Variants in MAP2K3 observed in about 807,000 individuals in gnomAD.
MAP2K3 encodes mitogen-activated protein kinase kinase 3.
In MAP2K3, 30 loss-of-function variants were observed where a neutral mutation model predicts 46.4. The observed-to-expected ratio is 0.65, with a 90% CI of 0.48 to 0.88. MAP2K3 has a LOEUF of 0.88. Among genes scored for constraint, MAP2K3 ranks in the 40% least tolerant of loss-of-function variants. MAP2K3 has a pLI of 0.00. For synonymous variants in MAP2K3, 189 were observed against 176.3 expected, an observed-to-expected ratio of 1.07 and a Z score of -0.57; for missense variants, 380 against 464.5, an observed-to-expected ratio of 0.82 and a Z score of 1.67.
intron 2 of MAP2K3, among the ~76,000 whole-genome samples, 176 bp from the exon 3 acceptor site, chr17:21,298,702 C>G (rs1007285660): frequency 1.3e-5 from 2 of 152,428 alleles, no homozygotes; most frequent in Non-Finnish European, 2.9e-5. Context: ...TCGATGAGGC[C>G]GTGCCCAGCT....
At chr17:21,301,697 C>T (rs1458921199) in intron 5 of MAP2K3, among the ~76,000 whole-genome samples, 3 of 152,428 alleles carry the variant, frequency 2.0e-5, no homozygotes, top group African/African-American at 2.4e-5. Flanking sequence ...TCCCAACCTT[C>T]CTGTCAGGAG....
At chr17:21,296,900 A>AGCTGCTGCTGCTGCTGCTGCT (rs3035372) in intron 1 of MAP2K3, among the ~76,000 whole-genome samples, 7 of 150,280 alleles carry the variant, frequency 4.7e-5, no homozygotes, top group Non-Finnish European at 7.4e-5. Flanking sequence ...ATGTGGCGGC[A>AGCTGCTGCTGCTGCTGCTGCT]GCTGCTGCTG....
chr17:21,296,521 G>T (rs1264086636), intron 1 of MAP2K3, among the ~76,000 whole-genome samples: 5 of 152,312 alleles, frequency 3.3e-5, no homozygotes, highest in African/African-American at 1.2e-4. Context: ...CTGTGGCAGG[G>T]GTGCTGTGAG....
chr17:21,309,666 C>T (rs112710735), intron 9 of MAP2K3, among the ~76,000 whole-genome samples: 4 of 152,178 alleles, frequency 2.6e-5, no homozygotes, highest in African/African-American at 7.2e-5. Context: ...CATGCTGGAG[C>T]GCGGTGGTGC....
chr17:21,310,638 G>A (rs1009675484), intron 9 of MAP2K3, among the ~76,000 whole-genome samples: 2 of 152,266 alleles, frequency 1.3e-5, no homozygotes, highest in African/African-American at 4.8e-5. Flanking sequence ...GCCGGGGATG[G>A]CCCTTGGCCA....
At chr17:21,303,295 C>T (rs1359013896) in intron 7 of MAP2K3, 61 bp downstream of exon 7, 29 of 1,609,268 alleles carry the variant, frequency 1.8e-5, no homozygotes, top group South Asian at 7.7e-5. Flanking sequence ...CAGGCCAAGG[C>T]GGGTGGACGT....
intron 1 of MAP2K3, chr17:21,296,144 A>ACAG (rs1976235135): frequency 2.3e-6 from 3 of 1,289,490 alleles, no homozygotes; most frequent in Non-Finnish European, 3.0e-6. Context: ...CCATCTGCGC[A>ACAG]GTGAACCCTG....
rs766423944 is a variant in MAP2K3 at position 21,302,279 on chromosome 17, T to TG, written c.516+22dup. 1 of 469,586 alleles carries TG rather than the reference T, an allele frequency of 2.1e-6. No individual in the cohort carries two copies. Among genetic ancestry groups the TG allele is most frequent in the South Asian group, 1.7e-5 (1 of 59,382 alleles). 29.1% of individuals were successfully genotyped at this position (469,586 alleles called of 1,614,324 possible). A position where few individuals can be genotyped will look rare whatever the true frequency, so the allele number is the denominator to read the frequency against. On this transcript the variant is annotated intron_variant, in intron 6 of 11. Coordinates refer to ENST00000342679, the MANE Select transcript of MAP2K3 (RefSeq NM_145109.3). The stretch of plus-strand genomic sequence containing the variant: ...GTGTCTGTGAGTGGCCTGGGTGGGC[T>TG]GGCGGGGGGTCCTAGGTGCATAGGC...
chr17:21,304,130 A>G (rs1976756988), intron 7 of MAP2K3, among the ~76,000 whole-genome samples: 2 of 152,430 alleles, frequency 1.3e-5, no homozygotes, highest in South Asian at 4.1e-4. Flanking sequence ...GGATGCAGGC[A>G]CGGTGCTCCC....
chr17:21,291,632 G>A, intron 1 of MAP2K3: 1 of 455,728 alleles, frequency 2.2e-6, no homozygotes, highest in African/African-American at 2.0e-5. Context: ...TAAAGCCTGA[G>A]CATGGGGCCT....
chr17:21,299,054 C>A (rs1234614430), intron 3 of MAP2K3, 128 bp downstream of exon 3: 40 of 1,399,278 alleles, frequency 2.9e-5, no homozygotes, highest in Non-Finnish European at 4.0e-5. Flanking sequence ...TGGAGAAGAG[C>A]CTCGTCCTGC....
rs1597819040 is a variant in MAP2K3 at position 21,302,037 on chromosome 17, C to CT, written c.400-106_400-105insT. 14 of 953,462 alleles carry CT rather than the reference C, an allele frequency of 1.5e-5. No individual in the cohort carries two copies. The East Asian group carries it at 3.3e-4, about 22-fold the overall frequency. 59.1% of individuals were successfully genotyped at this position (953,462 alleles called of 1,614,324 possible). A position where few individuals can be genotyped will look rare whatever the true frequency, so the allele number is the denominator to read the frequency against. On this transcript the variant is annotated intron_variant, in intron 5 of 11. Coordinates refer to ENST00000342679, the MANE Select transcript of MAP2K3 (RefSeq NM_145109.3). Reference sequence around the variant, plus strand: ...AACTGTGGCTGAGTGGGTGGGCACACGTCGGAGAGGGGGCTGGGGCTGGGG... The same window carrying CT: ...AACTGTGGCTGAGTGGGTGGGCACACTGTCGGAGAGGGGGCTGGGGCTGGGG...
At position 21,304,442 on chromosome 17, in the gene MAP2K3, T is replaced by C. The variant is rs762139763; in HGVS notation, c.585T>C (p.Asn195=). 1 of 1,614,320 alleles carries C rather than the reference T, an allele frequency of 6.2e-7. No individual in the cohort carries two copies. Among genetic ancestry groups the C allele is most frequent in the Admixed American group, 1.7e-5 (1 of 60,036 alleles). ...CCCTGGCAGATGTGAAGCCCTCCAA[T>C]GTCCTTATCAACAAGGAGGGCCATG... ...SVIHRDVKPS[N]VLINKEGHVK... is the part of the protein sequence containing the mutation. The change falls in exon 8 of 12, where the codon AAT becomes AAC. Residue 195 remains asparagine, a synonymous_variant. Transcript: ENST00000342679.
In MAP2K3 at chr17:21,305,741, C is replaced by T. The variant is rs1485092462; in HGVS notation, c.774+613C>T. Among the ~76,000 whole-genome samples, 11 of 152,428 alleles carry T rather than the reference C, an allele frequency of 7.2e-5. No individual in the cohort carries two copies. The East Asian group carries it at 1.9e-3, about 27-fold the overall frequency. On this transcript the variant is annotated intron_variant, in intron 9 of 11. Coordinates refer to ENST00000342679, the MANE Select transcript of MAP2K3 (RefSeq NM_145109.3). The stretch of plus-strand genomic sequence containing the variant: ...GGTGTGGGTGAGCCCGCTCTGGCTC[C>T]CCTGTGGACAGTGGATTGGAGGGAT...
At chr17:21,293,014 A>AT (rs1380433249) in intron 1 of MAP2K3, among the ~76,000 whole-genome samples, 2 of 152,420 alleles carry the variant, frequency 1.3e-5, no homozygotes, top group South Asian at 2.1e-4. Context: ...ATGAGATGTA[A>AT]TGAAAGAAAT....
intron 1 of MAP2K3, chr17:21,285,391 G>T: frequency 3.4e-6 from 2 of 587,186 alleles, no homozygotes; most frequent in Non-Finnish European, 4.3e-6. Context: ...CTAGCTTCGG[G>T]TCCCAGGGCT....
intron 9 of MAP2K3, among the ~76,000 whole-genome samples, chr17:21,308,217 A>G (rs1976993811): frequency 6.6e-6 from 1 of 150,866 alleles, no homozygotes; most frequent in African/African-American, 2.4e-5. Context: ...GCACAATCTC[A>G]GTTCACTGCA....
At chr17:21,294,772 G>A (rs3892031) in intron 1 of MAP2K3, among the ~76,000 whole-genome samples, 25,528 of 141,846 alleles carry the variant, frequency 0.18, no homozygotes, top group African/African-American at 0.22. Flanking sequence ...ATCTCCACGC[G>A]CCAGGCACTG....
intron 1 of MAP2K3, 52 bp from the exon 2 acceptor site, chr17:21,298,361 G>A: frequency 6.2e-7 from 1 of 1,611,816 alleles, no homozygotes; most frequent in Admixed American, 1.7e-5. Flanking sequence ...GGAGTGCAGG[G>A]GACATTGATG....
Sources: allele counts gnomAD v4.1 joint callset (sites outside exome capture counted in the v4.1 genomes callset), GRCh38; gene constraint gnomAD v4.1.1; transcripts MANE v1.5; gene names NCBI Gene and HGNC (gene_info 2026-07-23, HGNC 2026-07-21).